Variants in NEDD4 observed in about 807,000 individuals in gnomAD.
The protein encoded by NEDD4 is E3 ubiquitin-protein ligase NEDD4.
Under a neutral mutation model 144.9 loss-of-function variants are expected in NEDD4, and 99 were observed. The observed-to-expected ratio is 0.68, with a 90% CI of 0.58 to 0.81. The LOEUF (loss-of-function observed/expected upper bound fraction) is 0.81. Among genes scored for constraint, NEDD4 ranks in the 30% least tolerant of loss-of-function variants. The pLI is 0.00. For missense variants in NEDD4, 985 were observed against 1,065.9 expected (o/e 0.92, Z 1.06); for synonymous variants, 318 against 350.6 (o/e 0.91, Z 1.04).
chr15:55,988,487 T>TAAAAAAAAAAAAA (rs56688563), intron 1 of NEDD4, among the ~76,000 whole-genome samples: 172 of 101,558 alleles, frequency 1.7e-3, no homozygotes, highest in East Asian at 2.6e-3. Context: ...AAAAAAAAAT[T>TAAAAAAAAAAAAA]AAAAAAAAAA....
Position 55,850,548 on chromosome 15 carries a change from G to A in NEDD4, c.1341C>T (p.Thr447=), listed in dbSNP as rs749912748. ...GGAAAAGTATCAAAGTTACCCAGGT[G>A]GTGGTTTTAGTGTTGTGGTCAATAA... ...PFFIDHNTKT[T]TWEDPRLKIP... is the part of the protein sequence containing the mutation. The change falls in exon 14 of 29, where the codon ACC becomes ACT. Residue 447 remains threonine (T), a synonymous_variant. Transcript: ENST00000435532. The A allele has an allele frequency of 1.2e-6, 2 of 1,614,018 alleles. No individual in the cohort carries two copies. Among genetic ancestry groups the A allele is most frequent in the Admixed American group, 1.7e-5 (1 of 60,022 alleles).
rs1434659632 is a variant in NEDD4, at chr15:55,839,989, AAAAAAAAAAAATATATATATATATAT to A, written c.2031+432_2031+457del. On this transcript the variant is annotated intron_variant, in intron 21 of 28. Coordinates refer to ENST00000435532, the MANE Select transcript of NEDD4 (RefSeq NM_006154.4). Reference sequence around the variant, plus strand: ...ACTCTGTCTCAAAAAAAAAAAAAAAAAAAAAAAAAAATATATATATATATATATATATATATATATATATATATATA... The same window carrying A: ...ACTCTGTCTCAAAAAAAAAAAAAAAAATATATATATATATATATATATATA... Among the ~76,000 whole-genome samples the A allele has an allele frequency of 9.6e-4, 53 of 55,188 alleles. 1 individual carries two copies. The highest frequency in any genetic ancestry group is 2.2e-3 in the Admixed American group (9 of 4,060). 36.2% of individuals were successfully genotyped at this position (55,188 alleles called of 152,430 possible). A position where few individuals can be genotyped will look rare whatever the true frequency, so the allele number is the denominator to read the frequency against.
chr15:55,923,655 A>AT (rs1280247725), intron 5 of NEDD4, among the ~76,000 whole-genome samples: 15 of 134,880 alleles, frequency 1.1e-4, no homozygotes, highest in Admixed American at 2.2e-4. Flanking sequence ...CAAAAAAAAA[A>AT]AAAAATATAT....
chr15:55,952,692 C>T (rs1246785972), intron 2 of NEDD4: 3 of 152,250 alleles, frequency 2.0e-5, no homozygotes, highest in Non-Finnish European at 4.4e-5. Context: ...TGTTTTGAGT[C>T]TCATCCCCCT....
rs1166931478 is a variant in NEDD4, at chr15:55,850,752, TA to T, written c.1147-11del. On this transcript the variant is annotated splice_polypyrimidine_tract_variant and intron_variant, in intron 13 of 28. Transcript: ENST00000435532. ...TGGTCTCCACTGTGGCCTAGCACAT[TA>T]ATGAAATCATATTGTAATATTTTAT... 5.0e-6 allele frequency: 8 copies of T among 1,606,146 alleles called. No homozygotes were observed. The African/African-American group carries it at 9.4e-5, about 19-fold the overall frequency.
chr15:55,956,116 C>T (rs2037333660), intron 2 of NEDD4, among the ~76,000 whole-genome samples: 1 of 152,038 alleles, frequency 6.6e-6, no homozygotes, highest in African/African-American at 2.4e-5. Context: ...GCCCAGCCCA[C>T]ATTTCTTTTT....
intron 1 of NEDD4, among the ~76,000 whole-genome samples, chr15:55,971,042 T>G (rs1312172567): frequency 6.6e-6 from 1 of 151,892 alleles, no homozygotes; most frequent in East Asian, 1.9e-4. Context: ...ACAAGAAAAC[T>G]CAAAGAAGGA....
chr15:55,873,293 C>A (rs1312876099), intron 6 of NEDD4, among the ~76,000 whole-genome samples: 1 of 152,168 alleles, frequency 6.6e-6, no homozygotes, highest in Non-Finnish European at 1.5e-5. Context: ...TCCTTCCAGT[C>A]CCTTTTCCCT....
At chr15:55,896,799 T>C (rs2035751786) in intron 5 of NEDD4, among the ~76,000 whole-genome samples, 1 of 152,138 alleles carries the variant, frequency 6.6e-6, no homozygotes, top group Admixed American at 6.5e-5. Context: ...TATATAGAAA[T>C]GTTAAGGAAA....
intron 5 of NEDD4, among the ~76,000 whole-genome samples, chr15:55,913,722 G>A (rs1169109282): frequency 6.6e-6 from 1 of 151,902 alleles, no homozygotes; most frequent in Admixed American, 6.6e-5. Flanking sequence ...AAAGGCATTT[G>A]ATCCACATTT....
Position 55,860,408 on chromosome 15 carries a change from G to C in NEDD4, c.959C>G (p.Ser320Ter). ...NSAVSQPASSSNHSSRRGSLQ... is the reference protein window; with the variant it reads ...NSAVSQPASS ...TAACAAAATCTAAGAGCATCTTACT[G>C]AGCTCGATGCTGGCTGGCTCACGGC... The change falls in exon 11 of 29, where the codon TCA becomes TGA. Residue 320 changes from serine (S) to a stop codon, truncating the protein, a stop_gained and splice_region_variant. Coordinates refer to ENST00000435532, the MANE Select transcript of NEDD4 (RefSeq NM_006154.4). LOFTEE classifies it high-confidence loss of function. The C allele has an allele frequency of 6.2e-7, 1 of 1,613,944 alleles. No individual in the cohort carries two copies. Among genetic ancestry groups the C allele is most frequent in the Non-Finnish European group, 8.5e-7 (1 of 1,179,878 alleles).
intron 5 of NEDD4, among the ~76,000 whole-genome samples, chr15:55,885,519 GATATAA>G (rs1332495056): frequency 2.6e-5 from 4 of 152,030 alleles, no homozygotes; most frequent in East Asian, 3.9e-4. Flanking sequence ...AGTACAAGAA[GATATAA>G]ATAGAAATAA....
chr15:55,978,529 AT>A (rs1180494295), intron 1 of NEDD4, among the ~76,000 whole-genome samples: 1 of 152,210 alleles, frequency 6.6e-6, no homozygotes, highest in Non-Finnish European at 1.5e-5. Flanking sequence ...CTCTTCAATA[AT>A]TTTAGAATTC....
chr15:55,955,432 G>A (rs555197994), intron 2 of NEDD4, among the ~76,000 whole-genome samples: 10 of 152,072 alleles, frequency 6.6e-5, no homozygotes, highest in Non-Finnish European at 1.2e-4. Context: ...CTTGACTCAA[G>A]TTTAATGCCT....
intron 1 of NEDD4, among the ~76,000 whole-genome samples, chr15:55,968,520 CATT>C (rs139084289): frequency 0.028 from 4,212 of 152,080 alleles, 70 homozygotes; most frequent in Non-Finnish European, 0.043. Context: ...AAATATACAT[CATT>C]GAGACAAATG....
intron 2 of NEDD4, among the ~76,000 whole-genome samples, chr15:55,956,618 TCA>T (rs1284586088): frequency 1.3e-5 from 2 of 152,154 alleles, no homozygotes; most frequent in African/African-American, 4.8e-5. Context: ...TCTCGCTCTC[TCA>T]CACACACATG....
chr15:55,934,814 T>G (rs907672599), intron 4 of NEDD4: 5 of 150,676 alleles, frequency 3.3e-5, no homozygotes, highest in African/African-American at 1.2e-4. Context: ...TATTAAAAAT[T>G]TTTCTGGTTT....
chr15:55,970,143 G>A (rs918493375), intron 1 of NEDD4, among the ~76,000 whole-genome samples: 10 of 152,116 alleles, frequency 6.6e-5, no homozygotes. Flanking sequence ...CCACAGGTCT[G>A]GGGCAGTGGT....
rs112082658 is a variant in NEDD4 at position 55,875,113 on chromosome 15, T to C, written c.292-1105A>G. Among the ~76,000 whole-genome samples, 2 of 137,622 alleles carry C rather than the reference T, an allele frequency of 1.5e-5. 1 individual carries two copies. The highest frequency in any genetic ancestry group is 5.4e-5 in the African/African-American group (2 of 36,728). 90.3% of individuals were successfully genotyped at this position (137,622 alleles called of 152,430 possible). A position where few individuals can be genotyped will look rare whatever the true frequency, so the allele number is the denominator to read the frequency against. ...CAAAGAAATAAAAAAAAAAACCCAG[T>C]AGGAAGAGAAAAAGTAATTAACAGA... On this transcript the variant is annotated intron_variant, in intron 5 of 28. Transcript: ENST00000435532.
Sources: allele counts gnomAD v4.1 joint callset (sites outside exome capture counted in the v4.1 genomes callset), GRCh38; gene constraint gnomAD v4.1.1; transcripts MANE v1.5; gene names NCBI Gene and HGNC (gene_info 2026-07-23, HGNC 2026-07-21).